CPLX1: variants seen among roughly 807,000 people sequenced by gnomAD.
The protein encoded by CPLX1 is complexin-1.
In CPLX1, 6 loss-of-function variants were observed where a neutral mutation model predicts 15.6. The ratio of observed to expected loss-of-function variants is 0.39; its 90% confidence interval spans 0.21 to 0.76. The LOEUF (loss-of-function observed/expected upper bound fraction) is 0.76, where lower values mean the gene tolerates loss of function less well. Ranked by LOEUF, CPLX1 falls within the 30% of genes least tolerant of loss-of-function variation. The pLI is 0.43. For missense variants in CPLX1, 242 were observed against 188.6 expected (o/e 1.28, Z -1.66); for synonymous variants, 91 against 75.2 (o/e 1.21, Z -1.08).
intron 3 of CPLX1, chr4:787,146 C>G: frequency 1.0e-6 from 1 of 985,430 alleles, no homozygotes; most frequent in Non-Finnish European, 1.2e-6. Context: ...TGCATTCACA[C>G]TCCCGGGCCT....
At chr4:820,519 C>T (rs1314948013) in intron 2 of CPLX1, among the ~76,000 whole-genome samples, 1 of 152,146 alleles carries the variant, frequency 6.6e-6, no homozygotes, top group Non-Finnish European at 1.5e-5. Flanking sequence ...TGCCCAGATC[C>T]CAGTTGCCTC....
chr4:800,185 T>C (rs1403017586), intron 2 of CPLX1, among the ~76,000 whole-genome samples: 4 of 152,118 alleles, frequency 2.6e-5, no homozygotes, highest in African/African-American at 9.7e-5. Flanking sequence ...CTTCATACAT[T>C]TGGTCACAGA....
At chr4:796,826 G>A (rs1364251756) in intron 2 of CPLX1, among the ~76,000 whole-genome samples, 1 of 152,178 alleles carries the variant, frequency 6.6e-6, no homozygotes, top group African/African-American at 2.4e-5. Context: ...AGGCCCATTT[G>A]CCAGGACAGA....
At chr4:795,413 C>T (rs914922200) in intron 2 of CPLX1, among the ~76,000 whole-genome samples, 4 of 152,198 alleles carry the variant, frequency 2.6e-5, no homozygotes, top group Admixed American at 1.3e-4. Flanking sequence ...CGCAGGAGGG[C>T]GGCGCTGCGA....
chr4:821,551 G>A (rs1746863242), intron 2 of CPLX1, among the ~76,000 whole-genome samples: 1 of 152,158 alleles, frequency 6.6e-6, no homozygotes, highest in East Asian at 1.9e-4. Flanking sequence ...CAGTGACCAC[G>A]GCACCCACAC....
At chr4:791,005 C>T (rs939055264) in intron 3 of CPLX1, among the ~76,000 whole-genome samples, 1 of 151,954 alleles carries the variant, frequency 6.6e-6, no homozygotes, top group Non-Finnish European at 1.5e-5. Context: ...CTCTTTATCT[C>T]TGTGTCTCTG....
At chr4:808,275 C>T (rs1263673750) in intron 2 of CPLX1, among the ~76,000 whole-genome samples, 1 of 151,574 alleles carries the variant, frequency 6.6e-6, no homozygotes, top group East Asian at 1.9e-4. Context: ...AATAAAAATC[C>T]TCCTCCTGGG....
intron 2 of CPLX1, among the ~76,000 whole-genome samples, chr4:819,417 A>G (rs112906841): frequency 0.013 from 1,905 of 152,362 alleles, 46 homozygotes; most frequent in African/African-American, 0.042. Context: ...GATAAGAGGC[A>G]TCTCTGCCGA....
intron 2 of CPLX1, among the ~76,000 whole-genome samples, chr4:809,264 G>GA (rs1368982721): frequency 6.6e-6 from 1 of 152,254 alleles, no homozygotes; most frequent in East Asian, 1.9e-4. Context: ...GTGGAACGGT[G>GA]ATGACTCCCC....
intron 2 of CPLX1, chr4:804,625 C>T (rs1746519575): frequency 5.7e-6 from 3 of 525,488 alleles, no homozygotes; most frequent in South Asian, 1.6e-4. Context: ...GTATGTAATC[C>T]GGATCGCACC....
intron 2 of CPLX1, among the ~76,000 whole-genome samples, chr4:818,260 G>A (rs990745883): frequency 2.0e-5 from 3 of 152,200 alleles, no homozygotes; most frequent in Non-Finnish European, 4.4e-5. Context: ...GGCCATGCCC[G>A]CCTGACCTGC....
intron 3 of CPLX1, chr4:787,163 G>C: frequency 1.0e-6 from 1 of 985,412 alleles, no homozygotes. Flanking sequence ...GCCTGGCCAA[G>C]GCTGCCTGGA....
intron 2 of CPLX1, among the ~76,000 whole-genome samples, chr4:798,646 C>A: frequency 6.6e-6 from 1 of 152,254 alleles, no homozygotes; most frequent in Non-Finnish European, 1.5e-5. Context: ...ATTTGCCTGC[C>A]TCAGCCTCCC....
intron 3 of CPLX1, among the ~76,000 whole-genome samples, chr4:791,726 C>G (rs1484363794): frequency 6.6e-6 from 1 of 152,212 alleles, no homozygotes; most frequent in Non-Finnish European, 1.5e-5. Flanking sequence ...CGGCCCCTAC[C>G]CTCGGGGCCA....
chr4:798,590 TCTCA>T (rs1746390521), intron 2 of CPLX1, among the ~76,000 whole-genome samples: 1 of 152,196 alleles, frequency 6.6e-6, no homozygotes, highest in African/African-American at 2.4e-5. Flanking sequence ...AGAGACAAGG[TCTCA>T]CTATGTTGCC....
intron 2 of CPLX1, among the ~76,000 whole-genome samples, chr4:810,075 A>C (rs1485877014): frequency 8.8e-6 from 1 of 113,312 alleles, no homozygotes; most frequent in South Asian, 2.9e-4. Context: ...TTTGAGATGG[A>C]GTCTCGCTTC....
rs923330451 is a variant in CPLX1, at chr4:811,309, AT to A, written c.31+13182del. Among the ~76,000 whole-genome samples, 69 of 150,154 alleles carry A rather than the reference AT, an allele frequency of 4.6e-4. 1 individual carries two copies. The East Asian group carries it at 9.9e-3, about 22-fold the overall frequency. ...AGGTGCATACCACTGTGCCCAGCCAATTTTTTTTTTATTTTTCATAGAGATG... is the reference window on the plus strand; with the variant it reads ...AGGTGCATACCACTGTGCCCAGCCAATTTTTTTTTATTTTTCATAGAGATG... On this transcript the variant is annotated intron_variant, in intron 2 of 3. Coordinates refer to ENST00000304062, the MANE Select transcript of CPLX1 (RefSeq NM_006651.4).
At chr4:786,806 C>T in intron 3 of CPLX1, 108 bp from the exon 4 acceptor site, 3 of 1,430,764 alleles carry the variant, frequency 2.1e-6, no homozygotes, top group Non-Finnish European at 2.7e-6. Context: ...GTGGGTGCGG[C>T]CCCCTACCCC....
At chr4:795,971 C>A (rs1202310880) in intron 2 of CPLX1, among the ~76,000 whole-genome samples, 2 of 152,158 alleles carry the variant, frequency 1.3e-5, no homozygotes, top group African/African-American at 4.8e-5. Context: ...TGAGGCTCTT[C>A]CCGGGAACCC....
Sources: gnomAD v4.1 joint callset for allele counts (sites outside exome capture counted in the v4.1 genomes callset) on GRCh38, gnomAD v4.1.1 for gene constraint, MANE v1.5 for transcripts, NCBI Gene and HGNC (gene_info 2026-07-23, HGNC 2026-07-21) for gene names.